The following USH2A variants were observed in gnomAD, a reference collection of about 807,000 sequenced individuals.
The protein encoded by USH2A is usherin.
A neutral mutation model predicts 538.9 loss-of-function variants in USH2A; 443 were observed. That is an observed-to-expected ratio of 0.82 (90% CI 0.76 to 0.89). The LOEUF (loss-of-function observed/expected upper bound fraction) is 0.89, where lower values mean the gene tolerates loss of function less well. Ranked by LOEUF, USH2A falls within the 40% of genes least tolerant of loss-of-function variation. USH2A has a pLI of 0.00. For synonymous variants in USH2A, 2,413 were observed against 2,273.5 expected, an observed-to-expected ratio of 1.06 and a Z score of -1.75; for missense variants, 6,633 against 6,324.8, an observed-to-expected ratio of 1.05 and a Z score of -1.65.
At chr1:215,865,706 A>G (rs530765712) in intron 44 of USH2A, among the ~76,000 whole-genome samples, 2 of 152,366 alleles carry the variant, frequency 1.3e-5, no homozygotes, top group East Asian at 1.9e-4. Context: ...AGAGATCCCA[A>G]TACAAGTGTC....
rs1206946859 is a variant in USH2A, at chr1:215,625,533, G to GTCT, written c.*245_*247dup. Reference sequence around the variant, plus strand: ...CCAAGTGACAATTACATACTTCTTTGTCTTCTACAAAATAAGAGCAAATCA... The same window carrying GTCT: ...CCAAGTGACAATTACATACTTCTTTGTCTTCTTCTACAAAATAAGAGCAAATCA... On this transcript the variant is annotated 3_prime_UTR_variant, in exon 72 of 72. Transcript: ENST00000307340. 1.9e-6 allele frequency: 1 copy of GTCT among 533,518 alleles called. No individual in the cohort carries two copies. The highest frequency in any genetic ancestry group is 3.1e-5 in the Admixed American group (1 of 32,172). 33.0% of individuals were successfully genotyped at this position (533,518 alleles called of 1,614,324 possible). A position where few individuals can be genotyped will look rare whatever the true frequency, so the allele number is the denominator to read the frequency against.
chr1:216,364,805 A>T, intron 4 of USH2A, 148 bp downstream of exon 4: 1 of 1,093,338 alleles, frequency 9.1e-7, no homozygotes. Flanking sequence ...TTTTACTTTC[A>T]TTAATCTGCC....
chr1:215,689,986 C>T (rs1368604231), intron 61 of USH2A, among the ~76,000 whole-genome samples: 5 of 152,112 alleles, frequency 3.3e-5, no homozygotes, highest in Non-Finnish European at 5.9e-5. Flanking sequence ...TATATCTTCT[C>T]TATCTAGTTC....
intron 37 of USH2A, among the ~76,000 whole-genome samples, chr1:215,948,633 A>G (rs1666819289): frequency 6.6e-6 from 1 of 151,984 alleles, no homozygotes; most frequent in South Asian, 2.1e-4. Flanking sequence ...CAATCCATAT[A>G]GTTGAATATT....
intron 44 of USH2A, among the ~76,000 whole-genome samples, chr1:215,849,247 A>G (rs1663951905): frequency 1.3e-5 from 2 of 152,192 alleles, no homozygotes; most frequent in African/African-American, 4.8e-5. Context: ...AAATATTTGC[A>G]TGGTGTACCA....
chr1:215,883,431 C>CTT lies in USH2A; in HGVS notation c.8224-4335_8224-4334dup, dbSNP rs577862084. Among the ~76,000 whole-genome samples, 1,006 of 147,994 alleles carry CTT rather than the reference C, an allele frequency of 6.8e-3. 11 individuals are homozygous for CTT. The highest frequency in any genetic ancestry group is 0.023 in the African/African-American group (936 of 40,612). On this transcript the variant is annotated intron_variant, in intron 41 of 71. Coordinates refer to ENST00000307340, the MANE Select transcript of USH2A (RefSeq NM_206933.4). ...ATTGTTTCTAGCTACATATAGCTAT[C>CTT]TTTTTTTTTTAAGCTACTGAGTTTC...
intron 35 of USH2A, among the ~76,000 whole-genome samples, chr1:215,977,196 C>A (rs573970493): frequency 1.8e-4 from 27 of 152,016 alleles, no homozygotes; most frequent in Middle Eastern, 3.4e-3. Context: ...ATGTCAAGTT[C>A]GAAAATTGAA....
intron 64 of USH2A, among the ~76,000 whole-genome samples, chr1:215,656,540 C>T (rs1169729325): frequency 2.6e-5 from 4 of 152,184 alleles, no homozygotes; most frequent in African/African-American, 4.8e-5. Flanking sequence ...TAATCTTTTA[C>T]AAAAGATCTC....
intron 11 of USH2A, among the ~76,000 whole-genome samples, chr1:216,285,847 T>C (rs115253334): frequency 0.018 from 2,792 of 152,314 alleles, 90 homozygotes; most frequent in African/African-American, 0.064. Flanking sequence ...GACTGCCCCA[T>C]TGGGTTTCAG....
intron 61 of USH2A, among the ~76,000 whole-genome samples, chr1:215,688,537 T>C (rs2820695): frequency 0.74 from 111,994 of 151,966 alleles, 41,755 homozygotes; most frequent in East Asian, 0.9. Flanking sequence ...ACTGAGTTGC[T>C]TTAAACACAG....
chr1:216,197,986 T>C (rs955798113), intron 18 of USH2A, among the ~76,000 whole-genome samples: 1 of 152,142 alleles, frequency 6.6e-6, no homozygotes, highest in African/African-American at 2.4e-5. Context: ...TGGAGCAAGA[T>C]GAGACATGTG....
At chr1:215,758,487 A>C in intron 58 of USH2A, 108 bp downstream of exon 58, 1 of 1,375,926 alleles carries the variant, frequency 7.3e-7, no homozygotes, top group Non-Finnish European at 1.0e-6. Context: ...TATCCAGGAG[A>C]CCGACTATGT....
intron 49 of USH2A, among the ~76,000 whole-genome samples, chr1:215,801,896 G>A (rs140659557): frequency 1.6e-4 from 25 of 152,198 alleles, no homozygotes; most frequent in South Asian, 4.1e-4. Context: ...GTAATCAAAA[G>A]TGTGTTACTG....
rs1339905802 is a variant in USH2A at position 216,334,877 on chromosome 1, T to C, written c.785-7223A>G. On this transcript the variant is annotated intron_variant, in intron 4 of 71. Transcript: ENST00000307340. ...TAGTGGAGACTTCAATATCCTACTT[T>C]CAATCATGGAGAGAGCAACTACACA... Among the ~76,000 whole-genome samples, 11 of 151,854 alleles carry C rather than the reference T, an allele frequency of 7.2e-5. 1 individual carries two copies. Among genetic ancestry groups the C allele is most frequent in the Admixed American group, 7.2e-4 (11 of 15,216 alleles).
intron 59 of USH2A, 22 bp from the exon 60 acceptor site, chr1:215,741,559 G>A: frequency 6.2e-7 from 1 of 1,608,530 alleles, no homozygotes; most frequent in Non-Finnish European, 8.5e-7. Context: ...AAAAATTGAG[G>A]TCTTTATTAT....
At chr1:216,030,524 T>C (rs1196797903) in intron 32 of USH2A, among the ~76,000 whole-genome samples, 3 of 143,312 alleles carry the variant, frequency 2.1e-5, no homozygotes, top group Non-Finnish European at 3.0e-5. Context: ...TATAGATATA[T>C]ATCACAGATA....
At chr1:216,145,156 T>G (rs549042038) in intron 21 of USH2A, among the ~76,000 whole-genome samples, 1 of 152,256 alleles carries the variant, frequency 6.6e-6, no homozygotes, top group African/African-American at 2.4e-5. Flanking sequence ...TGTCTCTCAT[T>G]TCAATTAATT....
chr1:215,971,654 G>T (rs1434383911), intron 35 of USH2A, among the ~76,000 whole-genome samples: 3 of 152,036 alleles, frequency 2.0e-5, no homozygotes, highest in African/African-American at 7.2e-5. Flanking sequence ...AAGAGAAGAA[G>T]TTGTAAATAT....
chr1:215,998,536 C>T (rs1235197618), intron 34 of USH2A, among the ~76,000 whole-genome samples: 2 of 151,982 alleles, frequency 1.3e-5, no homozygotes, highest in Non-Finnish European at 2.9e-5. Context: ...TAAATGAATA[C>T]AAATGCCACA....
Sources: allele counts gnomAD v4.1 joint callset (sites outside exome capture counted in the v4.1 genomes callset), GRCh38; gene constraint gnomAD v4.1.1; transcripts MANE v1.5; gene names NCBI Gene and HGNC (gene_info 2026-07-23, HGNC 2026-07-21).